TUSC3: variants seen among roughly 807,000 people sequenced by gnomAD.
The protein encoded by TUSC3 is dolichyl-diphosphooligosaccharide--protein glycosyltransferase subunit TUSC3.
In TUSC3, 45 loss-of-function variants were observed where a neutral mutation model predicts 44.8. The observed-to-expected ratio is 1.00, with a 90% CI of 0.79 to 1.29. The LOEUF (loss-of-function observed/expected upper bound fraction) is 1.29, where lower values mean the gene tolerates loss of function less well. TUSC3 is among the 50% of genes most tolerant of loss of function. The pLI, the probability that TUSC3 is intolerant of heterozygous loss-of-function variation, is 0.00. For missense variants in TUSC3, 519 were observed against 437.9 expected (o/e 1.19, Z -1.65); for synonymous variants, 212 against 152.9 (o/e 1.39, Z -2.85).
chr8:15,815,959 G>A, the TUSC3 span, among the ~76,000 whole-genome samples: 1 of 152,140 alleles, frequency 6.6e-6, no homozygotes, highest in Admixed American at 6.5e-5. Flanking sequence ...CAATTAATGG[G>A]ACAAACCTAA....
chr8:15,649,207 C>T (rs1163221747), intron 2 of TUSC3, among the ~76,000 whole-genome samples: 1 of 152,066 alleles, frequency 6.6e-6, no homozygotes, highest in Non-Finnish European at 1.5e-5. Context: ...TCCTCAAATA[C>T]ATGTTTTTTT....
At chr8:15,795,785 G>A in the TUSC3 span, among the ~76,000 whole-genome samples, 1 of 152,164 alleles carries the variant, frequency 6.6e-6, no homozygotes, top group South Asian at 2.1e-4. Flanking sequence ...GTAAGCCCTG[G>A]CATTTCCAGA....
chr8:15,438,149 C>T (rs1799974815), intron 1 of TUSC3, among the ~76,000 whole-genome samples: 1 of 152,072 alleles, frequency 6.6e-6, no homozygotes, highest in Non-Finnish European at 1.5e-5. Flanking sequence ...GGCTGGAGTG[C>T]AATGGCACAG....
At chr8:15,813,961 C>G in the TUSC3 span, among the ~76,000 whole-genome samples, 1 of 152,184 alleles carries the variant, frequency 6.6e-6, no homozygotes, top group Non-Finnish European at 1.5e-5. Flanking sequence ...CTCTGTGTGT[C>G]TGTTTCTTCA....
intron 6 of TUSC3, among the ~76,000 whole-genome samples, chr8:15,677,886 TGCATAA>T (rs1414276468): frequency 6.6e-6 from 1 of 152,206 alleles, no homozygotes; most frequent in Non-Finnish European, 1.5e-5. Flanking sequence ...AGGCCTCGTC[TGCATAA>T]GCACTTTTAA....
At chr8:15,795,464 G>A in the TUSC3 span, among the ~76,000 whole-genome samples, 513 of 152,190 alleles carry the variant, frequency 3.4e-3, 2 homozygotes, top group African/African-American at 0.011. Flanking sequence ...CTGCCCACAC[G>A]TTGCACATTA....
chr8:15,838,674 T>C, the TUSC3 span, among the ~76,000 whole-genome samples: 1 of 152,260 alleles, frequency 6.6e-6, no homozygotes, highest in East Asian at 1.9e-4. Context: ...TGTAGATGTG[T>C]GGTATTATTT....
At chr8:15,528,923 A>G (rs367708282) in intron 2 of TUSC3, among the ~76,000 whole-genome samples, 78 of 152,186 alleles carry the variant, frequency 5.1e-4, no homozygotes, top group African/African-American at 1.8e-3. Context: ...CAGAATTTAG[A>G]CAATAATGAC....
intron 9 of TUSC3, among the ~76,000 whole-genome samples, chr8:15,749,154 CCTT>C (rs1811581257): frequency 2.6e-5 from 4 of 151,964 alleles, no homozygotes; most frequent in Admixed American, 2.0e-4. Flanking sequence ...TCTAAGGAGT[CCTT>C]CTTTTAGGTT....
chr8:15,727,209 A>G (rs952237304), intron 6 of TUSC3, among the ~76,000 whole-genome samples: 4 of 152,206 alleles, frequency 2.6e-5, no homozygotes, highest in African/African-American at 9.6e-5. Context: ...GGTTAATTTT[A>G]GGTGAATTAA....
chr8:15,688,742 G>T (rs924644596), intron 6 of TUSC3, among the ~76,000 whole-genome samples: 1 of 152,054 alleles, frequency 6.6e-6, no homozygotes, highest in Admixed American at 6.6e-5. Context: ...CTCTCTGTAT[G>T]CCAGGGAGGA....
chr8:15,582,449 A>C (rs1165367359), intron 1 of TUSC3, among the ~76,000 whole-genome samples: 1 of 152,214 alleles, frequency 6.6e-6, no homozygotes, highest in African/African-American at 2.4e-5. Flanking sequence ...TGCTATAATG[A>C]AGGACATTTT....
chr8:15,729,757 T>C (rs192877799), intron 6 of TUSC3, among the ~76,000 whole-genome samples: 2 of 152,136 alleles, frequency 1.3e-5, no homozygotes, highest in Non-Finnish European at 1.5e-5. Flanking sequence ...ACCTATCAGG[T>C]ACTTTACTCA....
At chr8:15,684,836 C>T (rs966052871) in intron 6 of TUSC3, among the ~76,000 whole-genome samples, 6 of 152,148 alleles carry the variant, frequency 3.9e-5, no homozygotes, top group Non-Finnish European at 8.8e-5. Context: ...AGCTGTGCTG[C>T]AGGAGAGCAG....
intron 2 of TUSC3, among the ~76,000 whole-genome samples, chr8:15,630,152 A>T (rs1057042324): frequency 2.2e-4 from 34 of 152,134 alleles, no homozygotes; most frequent in African/African-American, 4.8e-5. Flanking sequence ...TCATGGAAGG[A>T]TGTTACTATG....
At chr8:15,687,545 T>TGGTTTTAATTTTTAGTG (rs1808690047) in intron 6 of TUSC3, among the ~76,000 whole-genome samples, 1 of 152,200 alleles carries the variant, frequency 6.6e-6, no homozygotes, top group Non-Finnish European at 1.5e-5. Flanking sequence ...ATTCCTTCTT[T>TGGTTTTAATTTTTAGTG]CCACCTGGTT....
chr8:15,516,577 C>A (rs1179226401), intron 2 of TUSC3, among the ~76,000 whole-genome samples: 1 of 152,086 alleles, frequency 6.6e-6, no homozygotes. Context: ...TAAATTGGAA[C>A]TGAAAGCATT....
chr8:15,712,986 T>G (rs1809918445), intron 6 of TUSC3, among the ~76,000 whole-genome samples: 1 of 152,158 alleles, frequency 6.6e-6, no homozygotes, highest in East Asian at 1.9e-4. Flanking sequence ...GTTAAATCAG[T>G]TGGATGTCCA....
chr8:15,809,883 A>AT, the TUSC3 span, among the ~76,000 whole-genome samples: 1 of 152,124 alleles, frequency 6.6e-6, no homozygotes, highest in African/African-American at 2.4e-5. Flanking sequence ...CATCCCTCCT[A>AT]TTTTTTAAAA....
Sources: gnomAD v4.1 joint callset for allele counts (sites outside exome capture counted in the v4.1 genomes callset) on GRCh38, gnomAD v4.1.1 for gene constraint, MANE v1.5 for transcripts, NCBI Gene and HGNC (gene_info 2026-07-23, HGNC 2026-07-21) for gene names.